The following PTPN12 variants were observed in gnomAD, a reference collection of about 807,000 sequenced individuals.
The protein encoded by PTPN12 is tyrosine-protein phosphatase non-receptor type 12.
PTPN12 carries 29 observed loss-of-function variants against 97.6 expected under a neutral mutation model. The ratio of observed to expected loss-of-function variants is 0.30; its 90% CI spans 0.22 to 0.41. PTPN12 has a LOEUF of 0.41. Among genes scored for constraint, PTPN12 ranks in the 10% least tolerant of loss-of-function variants. The pLI, the probability that PTPN12 is intolerant of heterozygous loss-of-function variation, is 1.00. For missense variants in PTPN12, 819 were observed against 926.0 expected (o/e 0.88, Z 1.50); for synonymous variants, 327 against 300.4 (o/e 1.09, Z -0.91).
chr7:77,555,000 T>G (rs1281027655), intron 1 of PTPN12, among the ~76,000 whole-genome samples: 2 of 152,194 alleles, frequency 1.3e-5, no homozygotes, highest in African/African-American at 4.8e-5. Context: ...AATTTTTGTT[T>G]GTTGAGAAAG....
intron 8 of PTPN12, among the ~76,000 whole-genome samples, chr7:77,603,854 C>T (rs1788263398): frequency 6.6e-6 from 1 of 150,812 alleles, no homozygotes; most frequent in South Asian, 2.1e-4. Context: ...CTATACCTTC[C>T]CCAATACTGT....
In PTPN12 at chr7:77,589,829, G is replaced by A. The variant is rs372526199; in HGVS notation, c.421-2356G>A. 5.3e-5 allele frequency among the ~76,000 whole-genome samples: 8 copies of A among 152,244 alleles called. No individual in the cohort carries two copies. The East Asian group carries it at 9.6e-4, about 18-fold the overall frequency. ...TCCTAATGTTTTAAGTTACTGTTAAGGTTTAGGATGTATTTCTCTTTTCAT... is the reference window on the plus strand; with the variant it reads ...TCCTAATGTTTTAAGTTACTGTTAAAGTTTAGGATGTATTTCTCTTTTCAT... On this transcript the variant is annotated intron_variant, in intron 5 of 17. Coordinates refer to ENST00000248594, the MANE Select transcript of PTPN12 (RefSeq NM_002835.4).
rs184231124 is a variant in PTPN12 at position 77,549,313 on chromosome 7, C to T, written c.99+11668C>T. Reference sequence around the variant, plus strand: ...GTTTCAGCTCCATATGAACTCCACCCACCTTCTTTCAGAGATGGAAAAAGC... The same window carrying T: ...GTTTCAGCTCCATATGAACTCCACCTACCTTCTTTCAGAGATGGAAAAAGC... On this transcript the variant is annotated intron_variant, in intron 1 of 17. Coordinates refer to ENST00000248594, the MANE Select transcript of PTPN12 (RefSeq NM_002835.4). Among the ~76,000 whole-genome samples, 83 of 152,246 alleles carry T rather than the reference C, an allele frequency of 5.5e-4. 1 individual carries two copies. Among genetic ancestry groups the T allele is most frequent in the South Asian group, 2.1e-4 (1 of 4,824 alleles).
At chr7:77,617,784 A>AGTCCTAAACCTAAG (rs376917452) in intron 11 of PTPN12, among the ~76,000 whole-genome samples, 2,784 of 152,284 alleles carry the variant, frequency 0.018, 34 homozygotes, top group Middle Eastern at 0.071. Flanking sequence ...CCCTATTCAC[A>AGTCCTAAACCTAAG]GTCCTAAACC....
intron 1 of PTPN12, among the ~76,000 whole-genome samples, chr7:77,556,427 C>A (rs572016823): frequency 6.6e-6 from 1 of 152,114 alleles, no homozygotes; most frequent in East Asian, 1.9e-4. Context: ...AGCGCCTCAC[C>A]CCCAGGATGG....
intron 12 of PTPN12, among the ~76,000 whole-genome samples, chr7:77,625,518 T>TCA (rs1370512697): frequency 2.0e-4 from 16 of 82,042 alleles, no homozygotes; most frequent in South Asian, 4.9e-4. Flanking sequence ...TCTCTCTCTC[T>TCA]CTCTCACTCT....
Position 77,537,338 on chromosome 7 carries a change from GCTC to G in PTPN12, c.-206_-204del, listed in dbSNP as rs983320301. On this transcript the variant is annotated 5_prime_UTR_variant, in exon 1 of 18. Transcript: ENST00000248594. ...CTGGTACTGTGGGAGAGCGGCGGCT[GCTC>G]CTGGAAGTTGTGGTGTCGGGAGCCC... 1.0e-5 allele frequency: 6 copies of G among 576,016 alleles called. No homozygotes were observed. The African/African-American group carries it at 1.2e-4, about 12-fold the overall frequency. The allele number at this position is 576,016 out of a possible 1,614,324, so 35.7% of individuals were successfully genotyped here. A position where few individuals can be genotyped will look rare whatever the true frequency, so the allele number is the denominator to read the frequency against.
intron 1 of PTPN12, chr7:77,538,982 A>C (rs1245300981): frequency 2.0e-5 from 3 of 152,186 alleles, no homozygotes; most frequent in African/African-American, 7.2e-5. Flanking sequence ...ATAATCACTT[A>C]ATTCTGAAAT....
chr7:77,571,502 TG>T (rs1273028032), intron 2 of PTPN12, among the ~76,000 whole-genome samples: 5 of 152,212 alleles, frequency 3.3e-5, no homozygotes, highest in Non-Finnish European at 7.4e-5. Flanking sequence ...AATAGACAAC[TG>T]AATACATTTT....
chr7:77,614,266 C>G (rs1387493949), intron 11 of PTPN12, among the ~76,000 whole-genome samples: 7 of 152,126 alleles, frequency 4.6e-5, no homozygotes, highest in Non-Finnish European at 7.4e-5. Context: ...ACCTTTTCAT[C>G]TTTTTCTAAT....
intron 13 of PTPN12, among the ~76,000 whole-genome samples, chr7:77,629,947 A>C (rs1789340478): frequency 6.6e-6 from 1 of 151,860 alleles, no homozygotes; most frequent in South Asian, 2.1e-4. Flanking sequence ...CTCAAAAAAA[A>C]AAAAAAAAAA....
At chr7:77,639,157 G>A (rs959714717) in intron 17 of PTPN12, 62 bp from the exon 18 acceptor site, 32 of 1,307,996 alleles carry the variant, frequency 2.4e-5, no homozygotes, top group African/African-American at 5.8e-5. Context: ...TGTGGACATG[G>A]TTTTTAGTAG....
chr7:77,638,980 C>A, intron 17 of PTPN12: 1 of 732,992 alleles, frequency 1.4e-6, no homozygotes, highest in Non-Finnish European at 2.0e-6. Flanking sequence ...ATTTTTCTTA[C>A]ATTGTGATAA....
At chr7:77,556,359 C>T (rs1807711965) in intron 1 of PTPN12, among the ~76,000 whole-genome samples, 1 of 152,034 alleles carries the variant, frequency 6.6e-6, no homozygotes, top group Non-Finnish European at 1.5e-5. Context: ...CACCCAGAGC[C>T]AAGGTCTCAG....
intron 12 of PTPN12, among the ~76,000 whole-genome samples, chr7:77,625,886 A>G (rs906548434): frequency 1.1e-4 from 16 of 151,954 alleles, no homozygotes; most frequent in African/African-American, 3.6e-4. Context: ...TCTTTAAGGA[A>G]AAAAATAAAG....
At chr7:77,564,746 G>GGTTTTTTTTTTTT (rs1808162192) in intron 1 of PTPN12, among the ~76,000 whole-genome samples, 2 of 45,370 alleles carry the variant, frequency 4.4e-5, no homozygotes, top group African/African-American at 1.8e-4. Flanking sequence ...TTGTTGTCGT[G>GGTTTTTTTTTTTT]TTTTTTTTTT....
At chr7:77,571,281 G>A in intron 2 of PTPN12, 95 bp downstream of exon 2, 1 of 707,988 alleles carries the variant, frequency 1.4e-6, no homozygotes, top group Non-Finnish European at 2.3e-6. Context: ...CACTGTTAAG[G>A]AAGTAGTAAT....
intron 9 of PTPN12, 112 bp from the exon 10 acceptor site, chr7:77,610,653 A>G (rs1350190433): frequency 2.7e-6 from 3 of 1,113,650 alleles, no homozygotes; most frequent in Non-Finnish European, 2.6e-6. Context: ...GGTGTTCAAT[A>G]AATGTTTGCA....
At chr7:77,628,496 G>A (rs568530429) in intron 13 of PTPN12, among the ~76,000 whole-genome samples, 1 of 151,948 alleles carries the variant, frequency 6.6e-6, no homozygotes, top group South Asian at 2.1e-4. Flanking sequence ...GTGAACTTTG[G>A]TAGTGACACA....
Sources: gnomAD v4.1 joint callset for allele counts (sites outside exome capture counted in the v4.1 genomes callset) on GRCh38, gnomAD v4.1.1 for gene constraint, MANE v1.5 for transcripts, NCBI Gene and HGNC (gene_info 2026-07-23, HGNC 2026-07-21) for gene names.